AFF3: variants seen among roughly 807,000 people sequenced by gnomAD.
The protein encoded by AFF3 is ALF transcription elongation factor 3.
AFF3 carries 32 observed loss-of-function variants against 129.7 expected under a neutral mutation model. The observed-to-expected ratio is 0.25, with a 90% CI of 0.19 to 0.33. The LOEUF is 0.33. Among genes scored for constraint, AFF3 ranks in the 10% least tolerant of loss-of-function variants. AFF3 has a pLI of 1.00. For synonymous variants in AFF3, 644 were observed against 635.4 expected (o/e 1.01, Z -0.20); for missense variants, 1,373 against 1,592.0 (o/e 0.86, Z 2.34).
intron 10 of AFF3, among the ~76,000 whole-genome samples, chr2:99,741,831 T>C: frequency 6.6e-6 from 1 of 152,138 alleles, no homozygotes; most frequent in East Asian, 1.9e-4. Flanking sequence ...ACTACAAGGC[T>C]ACAGTAACCA....
At chr2:99,670,562 C>A (rs1687064841) in intron 12 of AFF3, among the ~76,000 whole-genome samples, 1 of 151,976 alleles carries the variant, frequency 6.6e-6, no homozygotes, top group Non-Finnish European at 1.5e-5. Flanking sequence ...TGTGTTCGTG[C>A]ACCGGCTATG....
At chr2:99,660,652 C>CA (rs1686149655) in intron 12 of AFF3, among the ~76,000 whole-genome samples, 1 of 152,194 alleles carries the variant, frequency 6.6e-6, no homozygotes, top group South Asian at 2.1e-4. Flanking sequence ...AAGAGGTACT[C>CA]AGAGAAATAA....
chr2:99,934,093 C>A (rs1213990148), intron 7 of AFF3, among the ~76,000 whole-genome samples: 2 of 152,186 alleles, frequency 1.3e-5, no homozygotes, highest in African/African-American at 4.8e-5. Context: ...AAGGAACCTG[C>A]AGTACAACAC....
intron 10 of AFF3, among the ~76,000 whole-genome samples, chr2:99,733,154 C>T (rs542789266): frequency 3.9e-5 from 6 of 151,902 alleles, no homozygotes; most frequent in Non-Finnish European, 7.4e-5. Context: ...CCGAGGCAGG[C>T]GGATCATGAG....
intron 11 of AFF3, among the ~76,000 whole-genome samples, chr2:99,698,960 G>T (rs1252843089): frequency 2.6e-5 from 4 of 152,186 alleles, no homozygotes; most frequent in Non-Finnish European, 5.9e-5. Context: ...ATCAATGTAA[G>T]AAGTGTATGG....
chr2:99,889,527 C>T (rs1693382629), intron 7 of AFF3, among the ~76,000 whole-genome samples: 1 of 152,206 alleles, frequency 6.6e-6, no homozygotes, highest in South Asian at 2.1e-4. Flanking sequence ...CGCATAACGC[C>T]TTCCCAGGGG....
chr2:99,745,409 A>G lies in AFF3; in HGVS notation c.1003-1269T>C, dbSNP rs76630434. Among the ~76,000 whole-genome samples, 4 of 152,300 alleles carry G rather than the reference A, an allele frequency of 2.6e-5. No individual in the cohort carries two copies. In the East Asian group the frequency reaches 7.7e-4, roughly 29 times the overall value. On this transcript the variant is annotated intron_variant, in intron 9 of 24. Transcript: ENST00000672756. ...GTTCTAAAAATTTTTAATAAAGTTT[A>G]GTTTACCTAATTTTTCTTTTGTTGC...
chr2:99,759,495 A>G (rs1047089718), intron 8 of AFF3, among the ~76,000 whole-genome samples: 7 of 152,188 alleles, frequency 4.6e-5, no homozygotes, highest in Admixed American at 2.0e-4. Flanking sequence ...TGCTCTATAT[A>G]AACTTGTTGA....
intron 11 of AFF3, among the ~76,000 whole-genome samples, chr2:99,673,645 C>T (rs958991551): frequency 1.3e-5 from 2 of 152,186 alleles, no homozygotes; most frequent in Admixed American, 6.5e-5. Flanking sequence ...CAGTGTGAAG[C>T]CCGCTGAGCC....
At chr2:99,740,344 C>G (rs371478553) in intron 10 of AFF3, among the ~76,000 whole-genome samples, 34 of 151,362 alleles carry the variant, frequency 2.2e-4, no homozygotes, top group East Asian at 1.4e-3. Flanking sequence ...GGGATGGCTG[C>G]GTCAAATGGT....
chr2:100,004,584 C>G (rs1474685152), intron 7 of AFF3, among the ~76,000 whole-genome samples: 1 of 152,070 alleles, frequency 6.6e-6, no homozygotes, highest in Non-Finnish European at 1.5e-5. Flanking sequence ...CTGTGCCTGG[C>G]CTGATTGCGG....
chr2:99,570,359 A>G (rs878967787), intron 18 of AFF3, among the ~76,000 whole-genome samples: 1 of 152,044 alleles, frequency 6.6e-6, no homozygotes, highest in African/African-American at 2.4e-5. Flanking sequence ...GTTTTTTGAG[A>G]AAGGTTCTCA....
At chr2:100,128,222 T>C (rs1559138051) in intron 2 of AFF3, among the ~76,000 whole-genome samples, 1 of 152,082 alleles carries the variant, frequency 6.6e-6, no homozygotes, top group African/African-American at 2.4e-5. Context: ...TAGCCATTCG[T>C]TTATTCCTTC....
At chr2:99,819,875 C>T (rs1366687846) in intron 8 of AFF3, among the ~76,000 whole-genome samples, 1 of 152,200 alleles carries the variant, frequency 6.6e-6, no homozygotes, top group Non-Finnish European at 1.5e-5. Flanking sequence ...TTACCTTCCC[C>T]CTCCTGGGGA....
chr2:99,946,147 G>A (rs930373949), intron 7 of AFF3, among the ~76,000 whole-genome samples: 6 of 152,074 alleles, frequency 3.9e-5, no homozygotes, highest in African/African-American at 1.4e-4. Context: ...AGATTATAAA[G>A]AGACCACATA....
intron 4 of AFF3, among the ~76,000 whole-genome samples, chr2:100,078,622 A>G (rs547085426): frequency 6.6e-6 from 1 of 152,254 alleles, no homozygotes; most frequent in African/African-American, 2.4e-5. Context: ...CTGTGGAATG[A>G]ACTGAGTTAA....
Position 99,613,825 on chromosome 2 carries a change from T to A in AFF3, c.1185-12204A>T, listed in dbSNP as rs540673868. Reference sequence around the variant, plus strand: ...TGGTTGCAGGCGATCATCCTTGTTATGTTCTGTTTTTATTTTCCTTACTTT... The same window carrying A: ...TGGTTGCAGGCGATCATCCTTGTTAAGTTCTGTTTTTATTTTCCTTACTTT... On this transcript the variant is annotated intron_variant, in intron 13 of 24. Transcript: ENST00000672756. Among the ~76,000 whole-genome samples the A allele has an allele frequency of 3.3e-5, 5 of 152,382 alleles. No individual in the cohort carries two copies. In the South Asian group the frequency reaches 1.0e-3, roughly 32 times the overall value.
At chr2:99,706,437 T>C (rs1677394208) in intron 11 of AFF3, among the ~76,000 whole-genome samples, 1 of 152,218 alleles carries the variant, frequency 6.6e-6, no homozygotes, top group Admixed American at 6.5e-5. Flanking sequence ...TCCCTGTGGC[T>C]TCTCAGCGGA....
chr2:99,979,725 C>A (rs1679220739), intron 7 of AFF3, among the ~76,000 whole-genome samples: 1 of 152,144 alleles, frequency 6.6e-6, no homozygotes, highest in Admixed American at 6.5e-5. Context: ...TCAAGCAATT[C>A]CCCCTCTTGG....
Sources: gnomAD v4.1 joint callset for allele counts (sites outside exome capture counted in the v4.1 genomes callset) on GRCh38, gnomAD v4.1.1 for gene constraint, MANE v1.5 for transcripts, NCBI Gene and HGNC (gene_info 2026-07-23, HGNC 2026-07-21) for gene names.